The following PON1 variants were observed in gnomAD, a reference collection of about 807,000 sequenced individuals.
PON1 encodes paraoxonase 1.
Under a neutral mutation model 39.2 loss-of-function variants are expected in PON1, and 37 were observed. That is an observed-to-expected ratio of 0.94 (90% CI 0.73 to 1.24). PON1 has a LOEUF of 1.24. PON1 is among the 50% of genes most tolerant of loss of function. The probability of loss-of-function intolerance (pLI) is 0.00; values close to 1 mark genes in which losing one functional copy is unlikely to be tolerated. For missense variants in PON1, 397 were observed against 413.5 expected (o/e 0.96, Z 0.35); for synonymous variants, 148 against 152.2 (o/e 0.97, Z 0.21).
At chr7:95,302,917 A>G (rs1036282707) in intron 7 of PON1, among the ~76,000 whole-genome samples, 1 of 152,198 alleles carries the variant, frequency 6.6e-6, no homozygotes, top group African/African-American at 2.4e-5. Flanking sequence ...TTCTCTAAAT[A>G]TAAGTTGCAA....
At chr7:95,313,101 G>A (rs1807691058) in intron 4 of PON1, among the ~76,000 whole-genome samples, 1 of 152,212 alleles carries the variant, frequency 6.6e-6, no homozygotes, top group South Asian at 2.1e-4. Flanking sequence ...AGGCAGGAAA[G>A]GTCATGAGAG....
At chr7:95,311,201 A>G (rs1807644964) in intron 5 of PON1, among the ~76,000 whole-genome samples, 1 of 152,120 alleles carries the variant, frequency 6.6e-6, no homozygotes, top group African/African-American at 2.4e-5. Flanking sequence ...CCTGGTAATA[A>G]CTTGAATGGA....
At chr7:95,317,656 A>G (rs996902143) in intron 2 of PON1, among the ~76,000 whole-genome samples, 1 of 152,040 alleles carries the variant, frequency 6.6e-6, no homozygotes, top group African/African-American at 2.4e-5. Context: ...TCTTCAAATA[A>G]CAAAGCTGGT....
chr7:95,316,812 G>A (rs202070428), intron 2 of PON1, 23 bp from the exon 3 acceptor site: 6 of 1,594,314 alleles, frequency 3.8e-6, no homozygotes, highest in Middle Eastern at 3.3e-4. Context: ...AGAACAGAAA[G>A]TACAGGTTGT....
At chr7:95,319,336 A>G (rs1440251301) in intron 1 of PON1, among the ~76,000 whole-genome samples, 3 of 152,162 alleles carry the variant, frequency 2.0e-5, no homozygotes. Flanking sequence ...GTGGTACAAA[A>G]TGATAGGAAT....
chr7:95,305,245 C>T lies in PON1; in HGVS notation c.780+1040G>A, dbSNP rs529112136. Among the ~76,000 whole-genome samples, 15 of 152,196 alleles carry T rather than the reference C, an allele frequency of 9.9e-5. No individual in the cohort carries two copies. The South Asian group carries it at 2.9e-3, about 29-fold the overall frequency. On this transcript the variant is annotated intron_variant, in intron 7 of 8. Coordinates refer to ENST00000222381, the MANE Select transcript of PON1 (RefSeq NM_000446.7). The stretch of plus-strand genomic sequence containing the variant: ...GTGGGCGTTTATGGCAGGAAAGCAA[C>T]GTCTTGCTGTTTTTCGGAGGTAGAG...
At position 95,308,010 on chromosome 7, in the gene PON1, C is replaced by G. The variant is rs1457871032; in HGVS notation, c.698+1G>C. The G allele has an allele frequency of 6.2e-7, 1 of 1,612,614 alleles. No individual in the cohort carries two copies. The highest frequency in any genetic ancestry group is 1.6e-4 in the Middle Eastern group (1 of 6,062). ...CACTACATTTCAGAGAGTTCACATA[C>G]TTGCCATCGGGTGAAATGTTGATTC... On this transcript the variant is annotated splice_donor_variant, in intron 6 of 8. Transcript: ENST00000222381. LOFTEE classifies it high-confidence loss of function.
At chr7:95,302,428 T>A in intron 7 of PON1, 95 bp from the exon 8 acceptor site, 1 of 1,068,430 alleles carries the variant, frequency 9.4e-7, no homozygotes, top group Non-Finnish European at 1.4e-6. Flanking sequence ...CTCTTGTCCT[T>A]GGTCACCACG....
At chr7:95,315,207 C>T in intron 4 of PON1, 115 bp downstream of exon 4, 1 of 979,804 alleles carries the variant, frequency 1.0e-6, no homozygotes, top group Non-Finnish European at 1.5e-6. Flanking sequence ...AGAGTAAGAA[C>T]ATTATTCATG....
At chr7:95,305,514 G>C in intron 7 of PON1, among the ~76,000 whole-genome samples, 1 of 152,150 alleles carries the variant, frequency 6.6e-6, no homozygotes, top group East Asian at 1.9e-4. Flanking sequence ...CACCCTAGTT[G>C]GGGAATCAGG....
In PON1 at chr7:95,318,402, G is replaced by T; in HGVS notation, c.75-9C>A. 4 of 1,597,988 alleles carry T rather than the reference G, an allele frequency of 2.5e-6. No individual in the cohort carries two copies. The highest frequency in any genetic ancestry group is 3.4e-6 in the Non-Finnish European group (4 of 1,165,584). Reference sequence around the variant, plus strand: ...GAGCATTAAGTCGTGTTCTGTGGGGGAGAAAGAAATAAAACACACACAAAA... The same window carrying T: ...GAGCATTAAGTCGTGTTCTGTGGGGTAGAAAGAAATAAAACACACACAAAA... On this transcript the variant is annotated splice_polypyrimidine_tract_variant and intron_variant, in intron 1 of 8. Coordinates refer to ENST00000222381, the MANE Select transcript of PON1 (RefSeq NM_000446.7).
chr7:95,324,498 C>T lies in PON1; in HGVS notation c.-23G>A, dbSNP rs771036818. On this transcript the variant is annotated 5_prime_UTR_variant, in exon 1 of 9. Coordinates refer to ENST00000222381, the MANE Select transcript of PON1 (RefSeq NM_000446.7). Reference sequence around the variant, plus strand: ...CATGGTCGGGGATAGACAAAGGGATCGATGGGCGCAGACACCGACGGGCTA... The same window carrying T: ...CATGGTCGGGGATAGACAAAGGGATTGATGGGCGCAGACACCGACGGGCTA... 1 of 1,610,770 alleles carries T rather than the reference C, an allele frequency of 6.2e-7. No homozygotes were observed. Among genetic ancestry groups the T allele is most frequent in the Non-Finnish European group, 8.5e-7 (1 of 1,177,386 alleles).
At chr7:95,304,621 C>T (rs970195926) in intron 7 of PON1, among the ~76,000 whole-genome samples, 3 of 152,084 alleles carry the variant, frequency 2.0e-5, no homozygotes, top group Non-Finnish European at 4.4e-5. Flanking sequence ...TGTGAGCCAC[C>T]GCACCCGGCC....
chr7:95,324,349 TG>T lies in PON1; in HGVS notation c.74+52del, dbSNP rs1374447510. 2.3e-5 allele frequency: 36 copies of T among 1,559,094 alleles called. No homozygotes were observed. The African/African-American group carries it at 4.1e-4, about 18-fold the overall frequency. ...CCAACTTTCTGGGGGCTCGTGGAGCTGGCAGGGAGTGAGGAGGACGAAGGCT... is the reference window on the plus strand; with the variant it reads ...CCAACTTTCTGGGGGCTCGTGGAGCTGCAGGGAGTGAGGAGGACGAAGGCT... On this transcript the variant is annotated intron_variant, in intron 1 of 8. Coordinates refer to ENST00000222381, the MANE Select transcript of PON1 (RefSeq NM_000446.7).
intron 4 of PON1, among the ~76,000 whole-genome samples, chr7:95,314,262 A>G (rs1807717346): frequency 6.6e-6 from 1 of 152,098 alleles, no homozygotes; most frequent in Non-Finnish European, 1.5e-5. Flanking sequence ...CAGGAGGCTG[A>G]GGCAGGAGAA....
At position 95,324,459 on chromosome 7, in the gene PON1, G is replaced by C; in HGVS notation, c.17C>G (p.Ala6Gly). The C allele has an allele frequency of 6.2e-7, 1 of 1,614,124 alleles. No individual in the cohort carries two copies. Among genetic ancestry groups the C allele is most frequent in the South Asian group, 1.1e-5 (1 of 91,072 alleles). The change falls in exon 1 of 9, where the codon GCG becomes GGG. Residue 6 changes from alanine (A) to glycine (G), a missense_variant. Transcript: ENST00000222381. ...CAGTCCCATCCCCAAGAGGGTGAGC[G>C]CAATCAGCTTCGCCATGGTCGGGGA... MAKLI[A>G]LTLLGMGLAL...
In PON1 at chr7:95,298,897, T is replaced by C; in HGVS notation, c.*47A>G. 6.2e-7 allele frequency: 1 copy of C among 1,611,424 alleles called. No individual in the cohort carries two copies. The highest frequency in any genetic ancestry group is 8.5e-7 in the Non-Finnish European group (1 of 1,177,528). On this transcript the variant is annotated 3_prime_UTR_variant, in exon 9 of 9. Transcript: ENST00000222381. ...TGGGTCCTCGGAATATGGCAAGCGG[T>C]TGAAATAATGGCCTCAGTTTCTATG...
Position 95,302,310 on chromosome 7 carries a change from C to T in PON1, c.804G>A (p.Val268=), listed in dbSNP as rs1209927751. 6.2e-7 allele frequency: 1 copy of T among 1,607,760 alleles called. No homozygotes were observed. The highest frequency in any genetic ancestry group is 8.5e-7 in the Non-Finnish European group (1 of 1,174,592). ...PLKSLDFNTL[V]DNISVDPETG... is the part of the protein sequence containing the mutation. ...TCTCAGGATCCACAGATATGTTATC[C>T]ACGAGGGTATTAAAGTCAAGGGACT... The change falls in exon 8 of 9, where the codon GTG becomes GTA. Residue 268 remains valine, a synonymous_variant. Transcript: ENST00000222381.
chr7:95,314,140 C>T (rs770872665), intron 4 of PON1, among the ~76,000 whole-genome samples: 1 of 152,024 alleles, frequency 6.6e-6, no homozygotes, highest in Non-Finnish European at 1.5e-5. Flanking sequence ...GGGAGGATTG[C>T]CTGAGCTCAG....
Sources: allele counts gnomAD v4.1 joint callset (sites outside exome capture counted in the v4.1 genomes callset), GRCh38; gene constraint gnomAD v4.1.1; transcripts MANE v1.5; gene names NCBI Gene and HGNC (gene_info 2026-07-23, HGNC 2026-07-21).